Variants in ZEB1 observed in about 807,000 individuals in gnomAD.
ZEB1 encodes the protein zinc finger E-box binding homeobox 1.
A neutral mutation model predicts 84.9 loss-of-function variants in ZEB1; 21 were observed. The ratio of observed to expected loss-of-function variants is 0.25; its 90% CI spans 0.18 to 0.36. The LOEUF (loss-of-function observed/expected upper bound fraction) is 0.36, where lower values mean the gene tolerates loss of function less well. Among genes scored for constraint, ZEB1 ranks in the 10% least tolerant of loss-of-function variants. The pLI, the probability that ZEB1 is intolerant of heterozygous loss-of-function variation, is 1.00. For synonymous variants in ZEB1, 420 were observed against 471.1 expected, an observed-to-expected ratio of 0.89 and a Z score of 1.41; for missense variants, 1,104 against 1,330.2, an observed-to-expected ratio of 0.83 and a Z score of 2.65.
At chr10:31,411,497 T>TACCGC in intron 1 of ZEB1, among the ~76,000 whole-genome samples, 1 of 151,848 alleles carries the variant, frequency 6.6e-6, no homozygotes. Flanking sequence ...CCGGGCGCGG[T>TACCGC]GGCGGGCGCC....
intron 1 of ZEB1, among the ~76,000 whole-genome samples, chr10:31,440,756 C>G (rs1385036533): frequency 6.6e-6 from 1 of 152,128 alleles, no homozygotes; most frequent in Non-Finnish European, 1.5e-5. Context: ...TTCTTATACA[C>G]CAATAACAGA....
At chr10:31,360,493 T>A (rs2042840971) in intron 1 of ZEB1, among the ~76,000 whole-genome samples, 1 of 152,306 alleles carries the variant, frequency 6.6e-6, no homozygotes, top group South Asian at 2.1e-4. Context: ...TTTAGTATGA[T>A]GCTATAAGGT....
chr10:31,515,458 A>G (rs1460145228), intron 6 of ZEB1, among the ~76,000 whole-genome samples: 2 of 152,104 alleles, frequency 1.3e-5, no homozygotes, highest in Non-Finnish European at 2.9e-5. Flanking sequence ...TTAGATTTAA[A>G]TCATTTTAAT....
At chr10:31,442,641 A>G (rs2059172408) in intron 1 of ZEB1, among the ~76,000 whole-genome samples, 1 of 152,184 alleles carries the variant, frequency 6.6e-6, no homozygotes, top group South Asian at 2.1e-4. Context: ...CCTGGGATAT[A>G]AAACTGGGAG....
At chr10:31,523,404 G>A (rs1161863268) in intron 7 of ZEB1, among the ~76,000 whole-genome samples, 1 of 152,182 alleles carries the variant, frequency 6.6e-6, no homozygotes, top group African/African-American at 2.4e-5. Context: ...TCTTTTCAAG[G>A]AGACCGTGGA....
chr10:31,510,835 T>G lies in ZEB1; in HGVS notation c.647T>G (p.Leu216Arg), dbSNP rs1250709100. 1 of 1,613,942 alleles carries G rather than the reference T, an allele frequency of 6.2e-7. No homozygotes were observed. Among genetic ancestry groups the G allele is most frequent in the Non-Finnish European group, 8.5e-7 (1 of 1,179,902 alleles). The change falls in exon 5 of 9, where the codon CTT (leucine) becomes CGT (arginine). Residue 216 changes from leucine to arginine, a missense_variant. Coordinates refer to ENST00000424869, the MANE Select transcript of ZEB1 (RefSeq NM_001174096.2). ...CSYTFAYRTQ[L>R]ERHMTSHKSG... Reference sequence around the variant, plus strand: ...TACACCTTTGCATACAGAACCCAACTTGAACGTCACATGACATCACATAAA... The same window carrying G: ...TACACCTTTGCATACAGAACCCAACGTGAACGTCACATGACATCACATAAA...
At chr10:31,480,256 T>C (rs2064867141) in intron 2 of ZEB1, among the ~76,000 whole-genome samples, 1 of 152,074 alleles carries the variant, frequency 6.6e-6, no homozygotes, top group Non-Finnish European at 1.5e-5. Flanking sequence ...AAACTTTTTA[T>C]GTTAAAAATG....
chr10:31,500,708 A>G (rs1478463676), intron 3 of ZEB1, among the ~76,000 whole-genome samples: 1 of 152,060 alleles, frequency 6.6e-6, no homozygotes, highest in African/African-American at 2.4e-5. Flanking sequence ...CTTTTAAGAA[A>G]GTGAGAACAA....
intron 1 of ZEB1, chr10:31,372,868 A>T (rs1446569203): frequency 2.1e-6 from 1 of 479,794 alleles, no homozygotes; most frequent in Non-Finnish European, 2.7e-6. Flanking sequence ...ATTTTATGGG[A>T]TTCTTTTATT....
chr10:31,446,092 G>A (rs1363571974), intron 1 of ZEB1, among the ~76,000 whole-genome samples: 6 of 149,772 alleles, frequency 4.0e-5, no homozygotes, highest in African/African-American at 1.5e-4. Flanking sequence ...CACAATTTCA[G>A]ATCCTGTTAT....
At chr10:31,472,843 C>A (rs1266460382) in intron 2 of ZEB1, among the ~76,000 whole-genome samples, 2 of 133,868 alleles carry the variant, frequency 1.5e-5, no homozygotes, top group Non-Finnish European at 3.0e-5. Context: ...AGCAGCACAT[C>A]AAAAAGCTTA....
chr10:31,332,835 A>G (rs1023243687), intron 1 of ZEB1, among the ~76,000 whole-genome samples: 1 of 152,110 alleles, frequency 6.6e-6, no homozygotes, highest in African/African-American at 2.4e-5. Context: ...CATGTGATCT[A>G]CTTTGTATAT....
At chr10:31,344,611 G>C (rs1298067573) in intron 1 of ZEB1, among the ~76,000 whole-genome samples, 1 of 152,108 alleles carries the variant, frequency 6.6e-6, no homozygotes, top group Non-Finnish European at 1.5e-5. Context: ...TAAAATATAA[G>C]AAGGTTGTAG....
At chr10:31,326,779 C>T (rs915491760) in intron 1 of ZEB1, among the ~76,000 whole-genome samples, 3 of 152,164 alleles carry the variant, frequency 2.0e-5, no homozygotes, top group African/African-American at 7.2e-5. Context: ...ATCTCAAAGG[C>T]AAGTTCTAAT....
intron 2 of ZEB1, among the ~76,000 whole-genome samples, chr10:31,466,333 T>C (rs1423657458): frequency 6.6e-6 from 1 of 152,212 alleles, no homozygotes; most frequent in African/African-American, 2.4e-5. Context: ...CTCAAACATG[T>C]AACATTCTCC....
chr10:31,424,656 A>G (rs759222300), intron 1 of ZEB1, among the ~76,000 whole-genome samples: 1 of 152,030 alleles, frequency 6.6e-6, no homozygotes. Flanking sequence ...AGAGGTGTGA[A>G]TAATAGGTTA....
chr10:31,370,788 G>C (rs574512221), intron 1 of ZEB1, among the ~76,000 whole-genome samples: 1 of 152,150 alleles, frequency 6.6e-6, no homozygotes, highest in Non-Finnish European at 1.5e-5. Context: ...TGATTTTTCT[G>C]CCAGCTAGTT....
intron 1 of ZEB1, among the ~76,000 whole-genome samples, chr10:31,402,877 A>G: frequency 6.6e-6 from 1 of 152,114 alleles, no homozygotes; most frequent in East Asian, 1.9e-4. Flanking sequence ...ATTGGGAGCA[A>G]GGAGAATTGG....
At chr10:31,327,667 G>T (rs369386109) in intron 1 of ZEB1, among the ~76,000 whole-genome samples, 31 of 152,244 alleles carry the variant, frequency 2.0e-4, no homozygotes, top group South Asian at 1.9e-3. Flanking sequence ...ACATGGTATT[G>T]TCCAGACATA....
Sources: allele counts gnomAD v4.1 joint callset (sites outside exome capture counted in the v4.1 genomes callset), GRCh38; gene constraint gnomAD v4.1.1; transcripts MANE v1.5; gene names NCBI Gene and HGNC (gene_info 2026-07-23, HGNC 2026-07-21).